Variants in RAD50 observed in about 807,000 individuals in gnomAD.
RAD50 encodes RAD50 double strand break repair protein.
A neutral mutation model predicts 168.8 loss-of-function variants in RAD50; 132 were observed. The ratio of observed to expected loss-of-function variants is 0.78; its 90% confidence interval spans 0.68 to 0.90. The LOEUF is 0.90. RAD50 is among the 40% of genes least tolerant of loss of function. The pLI, the probability that RAD50 is intolerant of heterozygous loss-of-function variation, is 0.00. For synonymous variants in RAD50, 525 were observed against 497.4 expected (o/e 1.06, Z -0.74); for missense variants, 1,347 against 1,534.4 (o/e 0.88, Z 2.04).
chr5:132,562,961 CA>C (rs953626241), intron 2 of RAD50, among the ~76,000 whole-genome samples: 2 of 152,118 alleles, frequency 1.3e-5, no homozygotes, highest in Non-Finnish European at 2.9e-5. Flanking sequence ...TCAACTGTGT[CA>C]AATATGTTGA....
rs536857621 is a variant in RAD50, at chr5:132,623,266, G to A, written c.3389+4972G>A. On this transcript the variant is annotated intron_variant, in intron 21 of 24. Transcript: ENST00000378823. ...GACCGAGGTGGGCGGATCACTTGAG[G>A]TGAGGAGTTCAAGACCAGCCTGGCC... Among the ~76,000 whole-genome samples the A allele has an allele frequency of 3.3e-5, 5 of 152,268 alleles. No individual in the cohort carries two copies. In the South Asian group the frequency reaches 1.0e-3, roughly 32 times the overall value.
chr5:132,570,945 T>C (rs563969293), intron 2 of RAD50, among the ~76,000 whole-genome samples: 2 of 152,272 alleles, frequency 1.3e-5, no homozygotes, highest in Middle Eastern at 3.4e-3. Context: ...CTTAAACACT[T>C]AGGGGCTGTT....
At position 132,618,218 on chromosome 5, in the gene RAD50, A is replaced by G. The variant is rs1554099880; in HGVS notation, c.3313A>G (p.Arg1105Gly). 2.5e-6 allele frequency: 4 copies of G among 1,614,084 alleles called. No individual in the cohort carries two copies. Among genetic ancestry groups the G allele is most frequent in the African/African-American group, 2.7e-5 (2 of 75,048 alleles). Residue 1105 changes from arginine to glycine, a missense_variant, in exon 21 of 25, where the codon AGA becomes GGA. Physicochemically the swap from Arg to Gly is moderately radical, Grantham distance 125 (BLOSUM62 -2). Around this residue, in one of 3 missense-constraint regions of RAD50, gnomAD observed 635 missense variants for 739.2 expected, o/e 0.86. Transcript: ENST00000378823. ...PQFRDAEEKY[R>G]EMMIVMRTTE... ...ATTTCGGGATGCTGAGGAAAAGTAT[A>G]GAGAAATGATGATTGTTATGAGGAC...
chr5:132,638,747 G>A (rs1751649208), intron 23 of RAD50, among the ~76,000 whole-genome samples: 1 of 152,178 alleles, frequency 6.6e-6, no homozygotes, highest in Admixed American at 6.5e-5. Context: ...CAAAGACTTA[G>A]CTGCTGGGTC....
At chr5:132,610,065 A>G (rs1482327810) in intron 19 of RAD50, among the ~76,000 whole-genome samples, 1 of 151,384 alleles carries the variant, frequency 6.6e-6, no homozygotes, top group Non-Finnish European at 1.5e-5. Flanking sequence ...ACTTTTATGG[A>G]TGGGGTCGTA....
chr5:132,571,320 G>A (rs1750301072), intron 2 of RAD50, among the ~76,000 whole-genome samples: 1 of 152,052 alleles, frequency 6.6e-6, no homozygotes, highest in Non-Finnish European at 1.5e-5. Context: ...CAATAAGATG[G>A]GGTATGCCTG....
Position 132,589,631 on chromosome 5 carries a change from A to G in RAD50, c.1246A>G (p.Asn416Asp), listed in dbSNP as rs2149841432. Residue 416 changes from asparagine to aspartate, a missense_variant and splice_region_variant, in exon 9 of 25, where the codon AAT becomes GAT. This residue lies in a region of RAD50 where 703 missense variants were observed against 767.7 expected (regional missense o/e 0.92). Coordinates refer to ENST00000378823, the MANE Select transcript of RAD50 (RefSeq NM_005732.4). ...GEAKTANQLM[N>D]DFAEKETLKQ... is the part of the protein sequence containing the mutation. Reference sequence around the variant, plus strand: ...GCTCATTCTTTACATATGCATTTAGAATGACTTTGCAGAAAAAGAGACTCT... The same window carrying G: ...GCTCATTCTTTACATATGCATTTAGGATGACTTTGCAGAAAAAGAGACTCT... 10 of 1,573,814 alleles carry G rather than the reference A, an allele frequency of 6.4e-6. No individual in the cohort carries two copies. Among genetic ancestry groups the G allele is most frequent in the Non-Finnish European group, 8.6e-6 (10 of 1,158,118 alleles).
intron 2 of RAD50, 135 bp downstream of exon 2, chr5:132,559,502 C>T (rs1192594060): frequency 3.8e-6 from 3 of 792,774 alleles, no homozygotes; most frequent in Non-Finnish European, 5.8e-6. Context: ...CAGTAGTAAC[C>T]GTTGTTGACA....
At chr5:132,598,625 G>T (rs1403557075) in intron 13 of RAD50, among the ~76,000 whole-genome samples, 1 of 152,198 alleles carries the variant, frequency 6.6e-6, no homozygotes, top group African/African-American at 2.4e-5. Context: ...CGAGCTGGAT[G>T]TTCTTGATGG....
chr5:132,564,891 G>T (rs1456361496), intron 2 of RAD50, among the ~76,000 whole-genome samples: 1 of 152,166 alleles, frequency 6.6e-6, no homozygotes, highest in Non-Finnish European at 1.5e-5. Flanking sequence ...CTTCCACATG[G>T]TGTTAAGCCT....
chr5:132,616,230 G>A (rs1433300783), intron 20 of RAD50, 100 bp downstream of exon 20: 1 of 1,221,368 alleles, frequency 8.2e-7, no homozygotes, highest in Non-Finnish European at 1.2e-6. Flanking sequence ...GCCTCAGCCT[G>A]GTATCCTTTG....
intron 13 of RAD50, among the ~76,000 whole-genome samples, 196 bp from the exon 14 acceptor site, chr5:132,603,104 A>G (rs1363485965): frequency 2.0e-5 from 3 of 152,214 alleles, no homozygotes; most frequent in Non-Finnish European, 4.4e-5. Context: ...CCTGGCCAAC[A>G]CCATCTAAGC....
chr5:132,611,732 C>T (rs1751091793), intron 19 of RAD50, among the ~76,000 whole-genome samples: 1 of 137,762 alleles, frequency 7.3e-6, no homozygotes, highest in African/African-American at 2.7e-5. Flanking sequence ...AAAAAAAAGT[C>T]ACAATTAGTC....
chr5:132,611,577 G>A (rs1440461323), intron 19 of RAD50, among the ~76,000 whole-genome samples: 3 of 150,292 alleles, frequency 2.0e-5, no homozygotes, highest in Non-Finnish European at 4.4e-5. Context: ...CTGGTGGTGG[G>A]CGCCTGTAGT....
chr5:132,611,541 TA>T (rs573076675), intron 19 of RAD50, among the ~76,000 whole-genome samples: 1,842 of 148,796 alleles, frequency 0.012, 39 homozygotes, highest in African/African-American at 0.043. Flanking sequence ...CCGTCTCTAC[TA>T]AAAAATACAA....
At position 132,579,418 on chromosome 5, in the gene RAD50, T is replaced by G. The variant is rs1405344791; in HGVS notation, c.467T>G (p.Phe156Cys). The G allele has an allele frequency of 4.3e-6, 7 of 1,613,946 alleles. No homozygotes were observed. Among genetic ancestry groups the G allele is most frequent in the Non-Finnish European group, 5.9e-6 (7 of 1,179,812 alleles). Residue 156 changes from phenylalanine (F) to cysteine (C), a missense_variant, in exon 4 of 25, where the codon TTC (phenylalanine) becomes TGC (cysteine). By Grantham distance (205) the Phe-to-Cys change is radical. This residue lies in a region of RAD50 where 703 missense variants were observed against 767.7 expected (regional missense o/e 0.92). Transcript: ENST00000378823. ...AAGGCTGTGCTAAATAATGTCATTT[T>G]CTGTCATCAAGAAGATTCTAATTGG... ...VSKAVLNNVI[F>C]CHQEDSNWPL...
At position 132,595,750 on chromosome 5, in the gene RAD50, A is replaced by C. The variant is rs1060501957; in HGVS notation, c.2147A>C (p.Glu716Ala). 11 of 1,613,896 alleles carry C rather than the reference A, an allele frequency of 6.8e-6. No homozygotes were observed. The highest frequency in any genetic ancestry group is 9.3e-6 in the Non-Finnish European group (11 of 1,179,934). Residue 716 changes from glutamate to alanine, a missense_variant, in exon 13 of 25, where the codon GAA (glutamate) becomes GCA (alanine). Glu to Ala is a moderately radical substitution (Grantham distance 107). Around this residue, in one of 3 missense-constraint regions of RAD50, gnomAD observed 635 missense variants for 739.2 expected, o/e 0.86. Coordinates refer to ENST00000378823, the MANE Select transcript of RAD50 (RefSeq NM_005732.4). Reference sequence around the variant, plus strand: ...GCTCCAGATAAACTCAAGTCAACAGAATCAGAGCTAAAAAAAAAGGAAAAG... The same window carrying C: ...GCTCCAGATAAACTCAAGTCAACAGCATCAGAGCTAAAAAAAAAGGAAAAG... ...RLAPDKLKST[E>A]SELKKKEKRR... is the part of the protein sequence containing the mutation.
chr5:132,569,143 T>C (rs1750258704), intron 2 of RAD50, among the ~76,000 whole-genome samples: 1 of 151,830 alleles, frequency 6.6e-6, no homozygotes, highest in Non-Finnish European at 1.5e-5. Context: ...ATGAAAGAAA[T>C]AATAGAATTA....
Position 132,640,728 on chromosome 5 carries a change from T to C in RAD50, c.3675T>C (p.Cys1225=). The C allele has an allele frequency of 6.2e-7, 1 of 1,614,184 alleles. No homozygotes were observed. The highest frequency in any genetic ancestry group is 8.5e-7 in the Non-Finnish European group (1 of 1,179,994). The change falls in exon 24 of 25, where the codon TGT becomes TGC. Residue 1225 remains cysteine, a synonymous_variant. Transcript: ENST00000378823. The part of the protein sequence containing the change: ...LALAETFCLN[C]GIIALDEPTT... ...TGGCTGAAACGTTCTGCCTCAACTG[T>C]GGCATCATTGCCTTGGATGAGCCAA...
Sources: gnomAD v4.1 joint callset for allele counts (sites outside exome capture counted in the v4.1 genomes callset) on GRCh38, gnomAD v4.1.1 for gene constraint, gnomAD v4.1.1 regional missense constraint, MANE v1.5 for transcripts, NCBI Gene and HGNC (gene_info 2026-07-23, HGNC 2026-07-21) for gene names.